PLD5: variants seen among roughly 807,000 people sequenced by gnomAD.
PLD5 encodes inactive phospholipase D5.
PLD5 carries 36 observed loss-of-function variants against 61.1 expected under a neutral mutation model. That is an observed-to-expected ratio of 0.59 (90% CI 0.45 to 0.78). The LOEUF is 0.78. Among genes scored for constraint, PLD5 ranks in the 30% least tolerant of loss-of-function variants. The probability of loss-of-function intolerance (pLI) is 0.00; values close to 1 mark genes in which losing one functional copy is unlikely to be tolerated. For synonymous variants in PLD5, 243 were observed against 242.8 expected, an observed-to-expected ratio of 1.00 and a Z score of -0.01; for missense variants, 515 against 644.4, an observed-to-expected ratio of 0.80 and a Z score of 2.17.
At chr1:242,190,138 CTTTTTT>C (rs902616187) in intron 5 of PLD5, among the ~76,000 whole-genome samples, 1 of 74,382 alleles carries the variant, frequency 1.3e-5, no homozygotes, top group African/African-American at 5.7e-5. Flanking sequence ...GACAGGACTC[CTTTTTT>C]TTTTTTTTTT....
At chr1:242,392,604 G>T (rs1364385348) in intron 1 of PLD5, among the ~76,000 whole-genome samples, 1 of 152,144 alleles carries the variant, frequency 6.6e-6, no homozygotes, top group Non-Finnish European at 1.5e-5. Flanking sequence ...AACCTGTCTG[G>T]ATGGGACAAG....
chr1:242,346,877 G>T (rs1291918289), intron 2 of PLD5, among the ~76,000 whole-genome samples: 1 of 152,086 alleles, frequency 6.6e-6, no homozygotes, highest in African/African-American at 2.4e-5. Context: ...TCATCATTTA[G>T]CTCCCACTTA....
intron 4 of PLD5, among the ~76,000 whole-genome samples, chr1:242,240,142 C>T (rs61845474): frequency 6.6e-6 from 1 of 152,228 alleles, no homozygotes; most frequent in Non-Finnish European, 1.5e-5. Context: ...GTGGCCAGCA[C>T]TCTTACATCT....
At chr1:242,351,564 C>T (rs913572137) in intron 1 of PLD5, among the ~76,000 whole-genome samples, 2 of 152,190 alleles carry the variant, frequency 1.3e-5, no homozygotes, top group Admixed American at 1.3e-4. Context: ...CTTTGCTCCT[C>T]CTTCACTTTC....
chr1:242,523,948 C>T (rs1185318448), intron 1 of PLD5, 140 bp downstream of exon 1: 23 of 937,924 alleles, frequency 2.5e-5, no homozygotes, highest in Admixed American at 6.1e-5. Flanking sequence ...GAGAAGCCCC[C>T]GAATCCGACC....
chr1:242,261,126 A>T (rs1169713881), intron 4 of PLD5, among the ~76,000 whole-genome samples: 1 of 152,230 alleles, frequency 6.6e-6, no homozygotes. Flanking sequence ...ACCATCTGTA[A>T]CACATATTAT....
intron 1 of PLD5, among the ~76,000 whole-genome samples, chr1:242,489,850 A>G (rs1330057754): frequency 6.6e-6 from 1 of 152,208 alleles, no homozygotes; most frequent in African/African-American, 2.4e-5. Flanking sequence ...CGCAGAAGGA[A>G]CAACTGCAGA....
chr1:242,346,907 T>C (rs190940244), intron 2 of PLD5, among the ~76,000 whole-genome samples: 103 of 152,328 alleles, frequency 6.8e-4, no homozygotes, highest in African/African-American at 2.1e-3. Context: ...ACATGCAGTA[T>C]TTGGTTTTCT....
At chr1:242,316,774 C>T (rs1348611127) in intron 2 of PLD5, among the ~76,000 whole-genome samples, 5 of 152,090 alleles carry the variant, frequency 3.3e-5, no homozygotes, top group South Asian at 2.1e-4. Flanking sequence ...CCACCCTCCA[C>T]TCTCAAGCAG....
intron 9 of PLD5, among the ~76,000 whole-genome samples, chr1:242,099,866 A>G (rs566305228): frequency 2.6e-5 from 4 of 152,288 alleles, no homozygotes; most frequent in African/African-American, 9.6e-5. Context: ...TGTAATCACT[A>G]CACTGCTGTT....
intron 1 of PLD5, among the ~76,000 whole-genome samples, chr1:242,515,150 C>G (rs1204920839): frequency 6.6e-6 from 1 of 152,108 alleles, no homozygotes; most frequent in Non-Finnish European, 1.5e-5. Context: ...CAGAAGTAAT[C>G]GCTAATTCTG....
At chr1:242,144,971 TCTTA>T (rs1179232774) in intron 5 of PLD5, among the ~76,000 whole-genome samples, 1 of 152,192 alleles carries the variant, frequency 6.6e-6, no homozygotes, top group African/African-American at 2.4e-5. Flanking sequence ...GAATTTGGGC[TCTTA>T]CTGTTTTATA....
At chr1:242,343,605 C>T (rs544234724) in intron 2 of PLD5, among the ~76,000 whole-genome samples, 2 of 151,252 alleles carry the variant, frequency 1.3e-5, no homozygotes, top group Non-Finnish European at 2.9e-5. Flanking sequence ...ACCTCTTTTA[C>T]CAGGGACATG....
In PLD5 at chr1:242,383,436, A is replaced by G. The variant is rs61325737; in HGVS notation, c.190-35194T>C. Among the ~76,000 whole-genome samples the G allele has an allele frequency of 7.3e-5, 11 of 151,538 alleles. No individual in the cohort carries two copies. The East Asian group carries it at 1.7e-3, about 24-fold the overall frequency. ...TTCTCTTTTTCCTTGTTTTTCATTT[A>G]CTTTTTTTCCTTCTTTTCCTTTTTC... On this transcript the variant is annotated intron_variant, in intron 1 of 9. Transcript: ENST00000536534.
intron 2 of PLD5, among the ~76,000 whole-genome samples, chr1:242,304,300 T>C (rs1676223867): frequency 6.6e-6 from 1 of 152,248 alleles, no homozygotes; most frequent in African/African-American, 2.4e-5. Context: ...CCCTCTTCAC[T>C]GCAGATTGGC....
At chr1:242,136,440 C>G (rs1663737769) in intron 5 of PLD5, among the ~76,000 whole-genome samples, 1 of 152,154 alleles carries the variant, frequency 6.6e-6, no homozygotes, top group African/African-American at 2.4e-5. Context: ...ACCATACCCT[C>G]CCCATAGTGC....
Position 242,237,883 on chromosome 1 carries a change from C to T in PLD5, c.608-17768G>A, listed in dbSNP as rs994322114. On this transcript the variant is annotated intron_variant, in intron 4 of 9. Transcript: ENST00000536534. ...CTTAACATAAGTATATCCCATAAAA[C>T]ATTTGGGCCACACTTAGACTATAGG... Among the ~76,000 whole-genome samples, 4 of 152,148 alleles carry T rather than the reference C, an allele frequency of 2.6e-5. No homozygotes were observed. In the East Asian group the frequency reaches 7.7e-4, roughly 29 times the overall value.
intron 3 of PLD5, among the ~76,000 whole-genome samples, chr1:242,280,364 A>G (rs1674652933): frequency 6.6e-6 from 1 of 152,216 alleles, no homozygotes; most frequent in Non-Finnish European, 1.5e-5. Flanking sequence ...AATATAAACA[A>G]AATACACAAT....
chr1:242,408,483 A>T (rs1304930987), intron 1 of PLD5, among the ~76,000 whole-genome samples: 1 of 152,122 alleles, frequency 6.6e-6, no homozygotes, highest in African/African-American at 2.4e-5. Context: ...GTGATGAGTG[A>T]GTTCTCTGAG....
Sources: allele counts gnomAD v4.1 joint callset (sites outside exome capture counted in the v4.1 genomes callset), GRCh38; gene constraint gnomAD v4.1.1; transcripts MANE v1.5; gene names NCBI Gene and HGNC (gene_info 2026-07-23, HGNC 2026-07-21).